Variants in COL14A1 observed in about 807,000 individuals in gnomAD.
COL14A1 encodes the protein collagen alpha-1(XIV) chain.
COL14A1 carries 136 observed loss-of-function variants against 230.3 expected under a neutral mutation model. The ratio of observed to expected loss-of-function variants is 0.59; its 90% confidence interval spans 0.51 to 0.68. COL14A1 has a LOEUF of 0.68. COL14A1 is among the 30% of genes least tolerant of loss of function. The pLI, the probability that COL14A1 is intolerant of heterozygous loss-of-function variation, is 0.00. For synonymous variants in COL14A1, 792 were observed against 784.1 expected, an observed-to-expected ratio of 1.01 and a Z score of -0.17; for missense variants, 1,976 against 2,215.8, an observed-to-expected ratio of 0.89 and a Z score of 2.17.
At chr8:120,334,407 A>G (rs995959936) in intron 42 of COL14A1, among the ~76,000 whole-genome samples, 1 of 151,980 alleles carries the variant, frequency 6.6e-6, no homozygotes, top group Non-Finnish European at 1.5e-5. Context: ...ATACTTTTAG[A>G]TCTCTTCTTT....
chr8:120,328,326 C>T (rs1176548075), intron 40 of COL14A1, among the ~76,000 whole-genome samples: 7 of 152,086 alleles, frequency 4.6e-5, no homozygotes, highest in African/African-American at 9.6e-5. Context: ...TTCAACCTTC[C>T]GGGCTCAAGC....
chr8:120,362,549 T>C (rs1823254917), intron 45 of COL14A1, among the ~76,000 whole-genome samples: 1 of 152,144 alleles, frequency 6.6e-6, no homozygotes, highest in South Asian at 2.1e-4. Context: ...AAAACAAAAA[T>C]ATTGACGAGT....
Position 120,289,298 on chromosome 8 carries a change from A to T in COL14A1, c.4078-310A>T, listed in dbSNP as rs16893830. On this transcript the variant is annotated intron_variant, in intron 33 of 47. Coordinates refer to ENST00000297848, the MANE Select transcript of COL14A1 (RefSeq NM_021110.4). ...ATTTTAATGTGCATTCAGAAAAGGC[A>T]TGGCTAGTACAGCAGTCCTGTAATT... is the stretch of plus-strand genomic sequence containing the variant. 3.6e-3 allele frequency among the ~76,000 whole-genome samples: 542 copies of T among 152,322 alleles called. 3 individuals are homozygous for T. Among genetic ancestry groups the T allele is most frequent in the African/African-American group, 0.012 (497 of 41,582 alleles).
At position 120,365,015 on chromosome 8, in the gene COL14A1, T is replaced by A. The variant is rs550876327; in HGVS notation, c.5078-2156T>A. On this transcript the variant is annotated intron_variant, in intron 45 of 47. Transcript: ENST00000297848. ...CATTTCAAGGGCTGGAATTTTTTTT[T>A]AATATTTTTTGTGAGGCTAGTTCTC... 1.8e-3 allele frequency among the ~76,000 whole-genome samples: 244 copies of A among 137,706 alleles called. 1 individual carries two copies. The highest frequency in any genetic ancestry group is 8.6e-4 in the African/African-American group (26 of 30,062). The allele number at this position is 137,706 out of a possible 152,430, so 90.3% of individuals were successfully genotyped here. A position where few individuals can be genotyped will look rare whatever the true frequency, so the allele number is the denominator to read the frequency against.
Position 120,209,786 on chromosome 8 carries a change from T to G in COL14A1, c.1352T>G (p.Leu451Arg), listed in dbSNP as rs771559780. 10 of 1,613,464 alleles carry G rather than the reference T, an allele frequency of 6.2e-6. No individual in the cohort carries two copies. Among genetic ancestry groups the G allele is most frequent in the Non-Finnish European group, 8.5e-6 (10 of 1,179,768 alleles). ...LALPMASDLL[L>R]YDVTENSMRV... ...TTACCGATGGCTTCTGACCTTCTAC[T>G]GTACGACGTGACTGAGAACAGCATG... Residue 451 changes from leucine (L) to arginine (R), a missense_variant, in exon 12 of 48, where the codon CTG becomes CGG. By Grantham distance (102) the Leu-to-Arg change is moderately radical. Coordinates refer to ENST00000297848, the MANE Select transcript of COL14A1 (RefSeq NM_021110.4).
At chr8:120,158,023 A>T in intron 2 of COL14A1, 107 bp from the exon 3 acceptor site, 1 of 614,890 alleles carries the variant, frequency 1.6e-6, no homozygotes, top group Non-Finnish European at 2.8e-6. Flanking sequence ...TTTGAGGCTG[A>T]TGAAGTCTTT....
intron 1 of COL14A1, among the ~76,000 whole-genome samples, chr8:120,145,847 A>G (rs191056136): frequency 2.3e-3 from 355 of 152,340 alleles, no homozygotes; most frequent in Non-Finnish European, 4.1e-3. Flanking sequence ...CTGTCATCAG[A>G]ATACACTTGA....
At chr8:120,146,645 A>G (rs1168032223) in intron 1 of COL14A1, among the ~76,000 whole-genome samples, 1 of 152,144 alleles carries the variant, frequency 6.6e-6, no homozygotes, top group Non-Finnish European at 1.5e-5. Flanking sequence ...CAACTATTAC[A>G]TAGAACATAC....
chr8:120,354,504 T>G (rs1009579233), intron 45 of COL14A1, among the ~76,000 whole-genome samples: 1 of 152,072 alleles, frequency 6.6e-6, no homozygotes, highest in Admixed American at 6.5e-5. Context: ...GAAGAAAAAT[T>G]ATGGATTTTC....
chr8:120,311,968 G>A (rs1216322524), intron 37 of COL14A1, among the ~76,000 whole-genome samples: 1 of 151,864 alleles, frequency 6.6e-6, no homozygotes, highest in Non-Finnish European at 1.5e-5. Context: ...GTGGTGGTGG[G>A]CACCTGTAGT....
At chr8:120,166,417 T>G (rs1434897130) in intron 4 of COL14A1, among the ~76,000 whole-genome samples, 1 of 152,208 alleles carries the variant, frequency 6.6e-6, no homozygotes, top group African/African-American at 2.4e-5. Flanking sequence ...AAATTTTTTC[T>G]CTTTTAAATG....
At chr8:120,177,882 T>C (rs1167960528) in intron 5 of COL14A1, among the ~76,000 whole-genome samples, 1 of 151,776 alleles carries the variant, frequency 6.6e-6, no homozygotes, top group East Asian at 1.9e-4. Flanking sequence ...ACATAAAAGA[T>C]AGCCACATCC....
intron 12 of COL14A1, among the ~76,000 whole-genome samples, chr8:120,211,073 G>A (rs1358492227): frequency 1.3e-5 from 2 of 152,138 alleles, no homozygotes; most frequent in Admixed American, 6.6e-5. Context: ...AATCGCTCCT[G>A]TAACTGCTGG....
At chr8:120,218,603 C>T (rs765152416) in intron 14 of COL14A1, among the ~76,000 whole-genome samples, 5 of 152,134 alleles carry the variant, frequency 3.3e-5, no homozygotes, top group Non-Finnish European at 5.9e-5. Context: ...AACCACTGCT[C>T]CCAGCCTAAC....
chr8:120,143,920 C>T (rs183645556), intron 1 of COL14A1, among the ~76,000 whole-genome samples: 69 of 151,980 alleles, frequency 4.5e-4, no homozygotes, highest in East Asian at 3.5e-3. Flanking sequence ...GGGTAAATTA[C>T]ACCTAGAATA....
At chr8:120,280,143 T>G in intron 29 of COL14A1, 44 bp downstream of exon 29, 2 of 1,604,700 alleles carry the variant, frequency 1.2e-6, no homozygotes, top group Non-Finnish European at 1.7e-6. Context: ...GCTTAACAGC[T>G]GAAATATTTG....
At chr8:120,318,450 G>T (rs539171739) in intron 40 of COL14A1, among the ~76,000 whole-genome samples, 94 of 152,238 alleles carry the variant, frequency 6.2e-4, no homozygotes, top group African/African-American at 2.0e-3. Flanking sequence ...TATTTAGGTG[G>T]CTCTGATCTG....
At chr8:120,141,587 A>G (rs925351926) in intron 1 of COL14A1, among the ~76,000 whole-genome samples, 1 of 152,154 alleles carries the variant, frequency 6.6e-6, no homozygotes, top group African/African-American at 2.4e-5. Context: ...GGTTTTAAAG[A>G]TAAGCTATGG....
At chr8:120,263,423 C>T (rs954158247) in intron 24 of COL14A1, among the ~76,000 whole-genome samples, 1 of 152,198 alleles carries the variant, frequency 6.6e-6, no homozygotes, top group Non-Finnish European at 1.5e-5. Context: ...GATGTTCCAA[C>T]TGGATGACCC....
Sources: allele counts gnomAD v4.1 joint callset (sites outside exome capture counted in the v4.1 genomes callset), GRCh38; gene constraint gnomAD v4.1.1; transcripts MANE v1.5; gene names NCBI Gene and HGNC (gene_info 2026-07-23, HGNC 2026-07-21).